The following AGFG1 variants were observed in gnomAD, a reference collection of about 807,000 sequenced individuals.
AGFG1 encodes ArfGAP with FG repeats 1, also known as arf-GAP domain and FG repeat-containing protein 1.
AGFG1 carries 10 observed loss-of-function variants against 60.6 expected under a neutral mutation model. That is an observed-to-expected ratio of 0.16 (90% CI 0.10 to 0.28). The LOEUF is 0.28. Ranked by LOEUF, AGFG1 falls within the 10% of genes least tolerant of loss-of-function variation. AGFG1 has a pLI of 1.00. For synonymous variants in AGFG1, 247 were observed against 242.9 expected, an observed-to-expected ratio of 1.02 and a Z score of -0.16; for missense variants, 537 against 676.5, an observed-to-expected ratio of 0.79 and a Z score of 2.29.
intron 1 of AGFG1, among the ~76,000 whole-genome samples, chr2:227,477,201 T>A (rs941891427): frequency 6.6e-6 from 1 of 152,182 alleles, no homozygotes; most frequent in Non-Finnish European, 1.5e-5. Context: ...TCGCCTGGCC[T>A]AGATACTTTT....
In AGFG1 at chr2:227,560,564, C is replaced by CT. The variant is rs1299119027; in HGVS notation, c.*6070dup. On this transcript the variant is annotated 3_prime_UTR_variant, in exon 13 of 13. Transcript: ENST00000310078. ...TTTTTCATTGTCCCTACTCATGACT[C>CT]TAAAAAGTGCATGGCTTGGGGCTAT... 2.0e-5 allele frequency: 3 copies of CT among 152,128 alleles called. No homozygotes were observed. The highest frequency in any genetic ancestry group is 4.4e-5 in the Non-Finnish European group (3 of 67,982). The allele number at this position is 152,128 out of a possible 1,614,324, so 9.4% of individuals were successfully genotyped here. A position where few individuals can be genotyped will look rare whatever the true frequency, so the allele number is the denominator to read the frequency against.
chr2:227,472,701 G>C, intron 1 of AGFG1, 113 bp downstream of exon 1: 4 of 1,218,582 alleles, frequency 3.3e-6, no homozygotes, highest in Non-Finnish European at 4.2e-6. Flanking sequence ...GTGGGAGGCG[G>C]TCGGGGGCGG....
Position 227,495,245 on chromosome 2 carries a change from CT to C in AGFG1, c.261+3608del, listed in dbSNP as rs544801734. 2.1e-3 allele frequency among the ~76,000 whole-genome samples: 322 copies of C among 152,056 alleles called. 2 individuals carry two copies. Among genetic ancestry groups the C allele is most frequent in the African/African-American group, 7.5e-3 (313 of 41,500 alleles). On this transcript the variant is annotated intron_variant, in intron 2 of 12. Transcript: ENST00000310078. ...GTATTTCTTTTGTATCATACAGTTACTTTAAAAAAAAACCTGTAGTGATCTT... is the reference window on the plus strand; with the variant it reads ...GTATTTCTTTTGTATCATACAGTTACTTAAAAAAAAACCTGTAGTGATCTT...
intron 11 of AGFG1, among the ~76,000 whole-genome samples, chr2:227,552,785 T>G (rs1450156533): frequency 6.6e-6 from 1 of 151,300 alleles, no homozygotes; most frequent in Admixed American, 6.6e-5. Context: ...GCGGATCATC[T>G]GAGCTCGGGA....
chr2:227,521,825 CA>C (rs113659954), intron 3 of AGFG1, among the ~76,000 whole-genome samples: 7,112 of 152,246 alleles, frequency 0.047, 217 homozygotes, highest in African/African-American at 0.092. Context: ...AACTATAACG[CA>C]AATACCTAGA....
intron 4 of AGFG1, among the ~76,000 whole-genome samples, chr2:227,524,474 G>A (rs1343106901): frequency 6.6e-6 from 1 of 152,118 alleles, no homozygotes. Flanking sequence ...TAGTTGATGG[G>A]GCTGTGACAG....
chr2:227,503,918 T>A (rs1416602005), intron 2 of AGFG1, among the ~76,000 whole-genome samples: 1 of 152,248 alleles, frequency 6.6e-6, no homozygotes. Flanking sequence ...TACTCTGGGT[T>A]ATTTCCTCAT....
chr2:227,552,162 C>A (rs1004926118), intron 11 of AGFG1, 45 bp downstream of exon 11: 8 of 1,605,728 alleles, frequency 5.0e-6, no homozygotes, highest in Non-Finnish European at 6.8e-6. Context: ...TTTATGTATC[C>A]TTTTTATATC....
intron 3 of AGFG1, 102 bp from the exon 4 acceptor site, chr2:227,523,661 A>T: frequency 8.6e-7 from 1 of 1,163,676 alleles, no homozygotes; most frequent in Non-Finnish European, 1.2e-6. Context: ...AGATAAGATT[A>T]ATGGTGAAAC....
chr2:227,515,856 C>A (rs1169042052), intron 2 of AGFG1, among the ~76,000 whole-genome samples: 1 of 152,036 alleles, frequency 6.6e-6, no homozygotes, highest in African/African-American at 2.4e-5. Context: ...AATCTAGATG[C>A]CTGAAATAGC....
chr2:227,523,982 A>G, intron 4 of AGFG1, 57 bp downstream of exon 4: 1 of 1,500,550 alleles, frequency 6.7e-7, no homozygotes, highest in Non-Finnish European at 9.1e-7. Flanking sequence ...TTGAGTATCA[A>G]GAATTTGAGA....
rs749548029 is a variant in AGFG1, at chr2:227,554,478, A to G, written c.1672A>G (p.Thr558Ala). The G allele has an allele frequency of 1.2e-5, 19 of 1,613,548 alleles. No homozygotes were observed. In the Admixed American group the frequency reaches 1.8e-4, roughly 16 times the overall value. ...TGQFPTGSSS[T>A]NPFL ...ACAATTTCCAACAGGAAGCTCATCA[A>G]CCAATCCTTTCTTATAGCCTTATAT... Residue 558 changes from threonine (T) to alanine (A), a missense_variant, in exon 13 of 13, where the codon ACC becomes GCC. This residue lies in a region of AGFG1 where 28 missense variants were observed against 51.5 expected (regional missense o/e 0.54). Transcript: ENST00000310078.
chr2:227,535,659 T>G (rs537798299), intron 8 of AGFG1, among the ~76,000 whole-genome samples: 1 of 152,202 alleles, frequency 6.6e-6, no homozygotes, highest in African/African-American at 2.4e-5. Flanking sequence ...TAACAATGTT[T>G]TATTCATCTC....
intron 7 of AGFG1, 23 bp downstream of exon 7, chr2:227,533,781 A>G (rs944946576): frequency 2.5e-6 from 4 of 1,599,416 alleles, no homozygotes; most frequent in Admixed American, 3.4e-5. Flanking sequence ...AAGCAAAACA[A>G]ATACAAATTT....
chr2:227,476,889 CTT>C (rs1690298754), intron 1 of AGFG1, among the ~76,000 whole-genome samples: 2 of 138,278 alleles, frequency 1.4e-5, no homozygotes, highest in African/African-American at 5.4e-5. Context: ...ATATTTTATA[CTT>C]TCTCTCTCTC....
At chr2:227,494,913 A>T (rs1220809805) in intron 2 of AGFG1, among the ~76,000 whole-genome samples, 1 of 152,248 alleles carries the variant, frequency 6.6e-6, no homozygotes, top group Non-Finnish European at 1.5e-5. Context: ...TCAATAAAGT[A>T]TATCTGTATT....
chr2:227,547,083 T>C (rs1692673135), intron 10 of AGFG1, among the ~76,000 whole-genome samples: 2 of 152,240 alleles, frequency 1.3e-5, no homozygotes, highest in African/African-American at 4.8e-5. Flanking sequence ...TTTGTTCCAG[T>C]ACAGTTGCCT....
In AGFG1 at chr2:227,552,125, C is replaced by T; in HGVS notation, c.1537+8C>T. 6.2e-7 allele frequency: 1 copy of T among 1,614,044 alleles called. No homozygotes were observed. Among genetic ancestry groups the T allele is most frequent in the Non-Finnish European group, 8.5e-7 (1 of 1,179,918 alleles). ...TTTCTCAACAGCCCAATGGTAAGAT[C>T]TAACATTTGGCGAGCTGTAAGTTCA... is the stretch of plus-strand genomic sequence containing the variant. On this transcript the variant is annotated splice_region_variant and intron_variant, in intron 11 of 12. Transcript: ENST00000310078.
At chr2:227,513,742 T>C (rs1691567469) in intron 2 of AGFG1, among the ~76,000 whole-genome samples, 1 of 152,230 alleles carries the variant, frequency 6.6e-6, no homozygotes, top group Admixed American at 6.5e-5. Context: ...TGTTTTAGAT[T>C]CTGTCAGTGT....
Sources: allele counts gnomAD v4.1 joint callset (sites outside exome capture counted in the v4.1 genomes callset), GRCh38; gene constraint gnomAD v4.1.1; regional missense constraint gnomAD v4.1.1; transcripts MANE v1.5; gene names NCBI Gene and HGNC (gene_info 2026-07-23, HGNC 2026-07-21).